OXR1: variants seen among roughly 807,000 people sequenced by gnomAD.
OXR1 encodes oxidation resistance protein 1.
OXR1 carries 41 observed loss-of-function variants against 104.6 expected under a neutral mutation model. The observed-to-expected ratio is 0.39, with a 90% CI of 0.31 to 0.51. OXR1 has a LOEUF of 0.51. Among genes scored for constraint, OXR1 ranks in the 20% least tolerant of loss-of-function variants. OXR1 has a pLI of 0.77. For missense variants in OXR1, 955 were observed against 1,031.9 expected, an observed-to-expected ratio of 0.93 and a Z score of 1.02; for synonymous variants, 348 against 348.4, an observed-to-expected ratio of 1.00 and a Z score of 0.01.
intron 2 of OXR1, among the ~76,000 whole-genome samples, chr8:106,368,918 G>A (rs1401805930): frequency 6.6e-6 from 1 of 152,188 alleles, no homozygotes; most frequent in Non-Finnish European, 1.5e-5. Context: ...TATATACCCA[G>A]TAATGGGATT....
intron 2 of OXR1, among the ~76,000 whole-genome samples, chr8:106,401,612 AT>A (rs1217800518): frequency 1.3e-5 from 2 of 152,270 alleles, no homozygotes; most frequent in East Asian, 3.9e-4. Context: ...AATGAGGAAT[AT>A]GTTATCTTGA....
intron 3 of OXR1, among the ~76,000 whole-genome samples, chr8:106,534,572 A>C (rs938796280): frequency 2.6e-5 from 4 of 152,062 alleles, no homozygotes; most frequent in African/African-American, 9.7e-5. Context: ...AGAGCAGTGA[A>C]AATAACACAG....
rs1389694017 is a variant in OXR1 at position 106,660,564 on chromosome 8, T to C, written c.221-18646T>C. On this transcript the variant is annotated intron_variant, in intron 3 of 16. Transcript: ENST00000517566. Reference sequence around the variant, plus strand: ...TGATCTTATTCCTCCTTTCATCCACTAAGATGAAAAAGTAGAACCTTGTTT... The same window carrying C: ...TGATCTTATTCCTCCTTTCATCCACCAAGATGAAAAAGTAGAACCTTGTTT... Among the ~76,000 whole-genome samples the C allele has an allele frequency of 3.3e-5, 5 of 152,194 alleles. No homozygotes were observed. The East Asian group carries it at 9.6e-4, about 29-fold the overall frequency.
chr8:106,490,133 G>C (rs1213298262), intron 2 of OXR1, among the ~76,000 whole-genome samples: 3 of 152,068 alleles, frequency 2.0e-5, no homozygotes, highest in African/African-American at 7.2e-5. Context: ...CCCTTCACCA[G>C]CCATCTTCGC....
intron 2 of OXR1, among the ~76,000 whole-genome samples, chr8:106,374,320 C>A (rs898454986): frequency 2.6e-5 from 4 of 152,008 alleles, no homozygotes; most frequent in African/African-American, 9.7e-5. Flanking sequence ...ATGCATTTTC[C>A]TTCTCTTTTT....
intron 1 of OXR1, among the ~76,000 whole-genome samples, chr8:106,331,252 G>T (rs1474530453): frequency 6.6e-6 from 1 of 152,082 alleles, no homozygotes; most frequent in African/African-American, 2.4e-5. Context: ...TATTCTAATT[G>T]TCTAATATAA....
At chr8:106,698,780 T>A (rs78536343) in intron 7 of OXR1, among the ~76,000 whole-genome samples, 2,333 of 152,276 alleles carry the variant, frequency 0.015, 35 homozygotes, top group Admixed American at 0.047. Flanking sequence ...TATTGTTGAA[T>A]ATGGTTATAA....
intron 11 of OXR1, among the ~76,000 whole-genome samples, chr8:106,735,881 G>GA (rs1433822281): frequency 1.3e-5 from 2 of 151,964 alleles, no homozygotes; most frequent in African/African-American, 4.8e-5. Flanking sequence ...AAATAGTTGA[G>GA]ATGTCAAACC....
At chr8:106,271,452 A>G (rs1029886761) in intron 1 of OXR1, among the ~76,000 whole-genome samples, 17 of 151,998 alleles carry the variant, frequency 1.1e-4, no homozygotes, top group Admixed American at 7.9e-4. Context: ...GTTCTAGGCC[A>G]CAGGAATTCG....
intron 2 of OXR1, among the ~76,000 whole-genome samples, chr8:106,366,017 A>G (rs941703728): frequency 1.1e-4 from 16 of 152,278 alleles, no homozygotes; most frequent in African/African-American, 2.9e-4. Flanking sequence ...TCCAAAGCCT[A>G]CTAGACCTGT....
chr8:106,565,349 C>T (rs1816986831), intron 3 of OXR1, among the ~76,000 whole-genome samples: 1 of 151,974 alleles, frequency 6.6e-6, no homozygotes, highest in African/African-American at 2.4e-5. Flanking sequence ...AAACAGATGG[C>T]TAAATCATGA....
Position 106,706,511 on chromosome 8 carries a change from T to TG in OXR1, c.991dup (p.Glu331GlyfsTer6). 6.2e-7 allele frequency: 1 copy of TG among 1,606,228 alleles called. No individual in the cohort carries two copies. Among genetic ancestry groups the TG allele is most frequent in the Non-Finnish European group, 8.5e-7 (1 of 1,178,154 alleles). On this transcript the variant is annotated frameshift_variant, in exon 9 of 17. Coordinates refer to ENST00000517566, the MANE Select transcript of OXR1 (RefSeq NM_001198533.2). LOFTEE classifies it high-confidence loss of function. ...GTGCCAGCACTGCTCCTAGGAGCAC[T>TG]GAGGAGTCTCTTTCTGAAGATGTGT...
chr8:106,544,807 G>C (rs1187607925), intron 3 of OXR1, among the ~76,000 whole-genome samples: 1 of 150,906 alleles, frequency 6.6e-6, no homozygotes, highest in African/African-American at 2.4e-5. Flanking sequence ...TTTTTTTTGT[G>C]ACTATCCTAT....
At chr8:106,719,940 G>T (rs1024679748) in intron 11 of OXR1, among the ~76,000 whole-genome samples, 18 of 151,992 alleles carry the variant, frequency 1.2e-4, no homozygotes, top group African/African-American at 4.3e-4. Flanking sequence ...CGAGCAGCTG[G>T]GACTACAGGC....
chr8:106,462,773 T>G (rs1820977721), intron 2 of OXR1, among the ~76,000 whole-genome samples: 1 of 149,130 alleles, frequency 6.7e-6, no homozygotes, highest in Non-Finnish European at 1.5e-5. Flanking sequence ...TGCATTCACT[T>G]CCCTGAACCA....
intron 3 of OXR1, among the ~76,000 whole-genome samples, chr8:106,585,759 A>G (rs1818582807): frequency 6.6e-6 from 1 of 152,190 alleles, no homozygotes; most frequent in Non-Finnish European, 1.5e-5. Flanking sequence ...TGACTTAAGT[A>G]AGTAAAAAAT....
intron 2 of OXR1, among the ~76,000 whole-genome samples, chr8:106,412,210 C>T (rs1254324523): frequency 2.0e-5 from 3 of 151,996 alleles, no homozygotes; most frequent in African/African-American, 7.2e-5. Flanking sequence ...ATCACTTTCA[C>T]TCTTGACTAT....
intron 2 of OXR1, among the ~76,000 whole-genome samples, chr8:106,476,201 T>G (rs532113862): frequency 5.9e-5 from 9 of 151,970 alleles, no homozygotes; most frequent in Admixed American, 2.6e-4. Flanking sequence ...GAATTAGAGA[T>G]GTTGTGTTTG....
At position 106,623,450 on chromosome 8, in the gene OXR1, T is replaced by C. The variant is rs1051534817; in HGVS notation, c.221-55760T>C. On this transcript the variant is annotated intron_variant, in intron 3 of 16. Transcript: ENST00000517566. ...AACATGCATTGAATGCCTATTATAT[T>C]CTGTAATAAGTCGGCACTCTGAGGA... is the stretch of plus-strand genomic sequence containing the variant. Among the ~76,000 whole-genome samples, 5 of 152,060 alleles carry C rather than the reference T, an allele frequency of 3.3e-5. No homozygotes were observed. In the East Asian group the frequency reaches 5.8e-4, roughly 18 times the overall value.
Sources: allele counts gnomAD v4.1 joint callset (sites outside exome capture counted in the v4.1 genomes callset), GRCh38; gene constraint gnomAD v4.1.1; transcripts MANE v1.5; gene names NCBI Gene and HGNC (gene_info 2026-07-23, HGNC 2026-07-21).